The following GRID2 variants were observed in gnomAD, a reference collection of about 807,000 sequenced individuals.
GRID2 encodes the protein glutamate ionotropic receptor delta type subunit 2.
Under a neutral mutation model 114.8 loss-of-function variants are expected in GRID2, and 33 were observed. That is an observed-to-expected ratio of 0.29 (90% CI 0.22 to 0.38). GRID2 has a LOEUF of 0.38. Ranked by LOEUF, GRID2 falls within the 10% of genes least tolerant of loss-of-function variation. The probability of loss-of-function intolerance (pLI) is 1.00; values close to 1 mark genes in which losing one functional copy is unlikely to be tolerated. For missense variants in GRID2, 1,184 were observed against 1,257.7 expected (o/e 0.94, Z 0.89); for synonymous variants, 505 against 449.9 (o/e 1.12, Z -1.55).
At chr4:92,598,886 C>T (rs1407219043) in intron 2 of GRID2, among the ~76,000 whole-genome samples, 1 of 151,974 alleles carries the variant, frequency 6.6e-6, no homozygotes, top group Non-Finnish European at 1.5e-5. Context: ...TATTCTAGTA[C>T]TTTTATTAGT....
chr4:93,427,582 G>T (rs72668718), intron 10 of GRID2, among the ~76,000 whole-genome samples: 2,255 of 152,052 alleles, frequency 0.015, 19 homozygotes, highest in South Asian at 0.055. Context: ...ATGTTGGAAA[G>T]TGAGCTCTGA....
intron 1 of GRID2, among the ~76,000 whole-genome samples, chr4:92,441,588 G>A (rs1733083302): frequency 6.6e-6 from 1 of 152,124 alleles, no homozygotes; most frequent in Non-Finnish European, 1.5e-5. Context: ...AGGCTCGTCT[G>A]GTTTTAGGAC....
At chr4:92,554,896 T>C (rs1207039167) in intron 1 of GRID2, among the ~76,000 whole-genome samples, 1 of 152,168 alleles carries the variant, frequency 6.6e-6, no homozygotes, top group Non-Finnish European at 1.5e-5. Flanking sequence ...TCACCTTTTG[T>C]CCTTAGCTTT....
intron 8 of GRID2, among the ~76,000 whole-genome samples, chr4:93,331,832 T>G (rs542076970): frequency 1.2e-4 from 18 of 152,172 alleles, no homozygotes; most frequent in African/African-American, 4.1e-4. Flanking sequence ...AGTTAGCAAT[T>G]AGGTAATAGT....
intron 14 of GRID2, among the ~76,000 whole-genome samples, chr4:93,654,798 GAGTA>G (rs962886158): frequency 3.5e-4 from 54 of 152,244 alleles, no homozygotes; most frequent in African/African-American, 1.3e-3. Flanking sequence ...CAGTGTCAGT[GAGTA>G]AGTGAGTATC....
chr4:93,494,912 T>C (rs1021865507), intron 12 of GRID2, among the ~76,000 whole-genome samples: 1 of 151,836 alleles, frequency 6.6e-6, no homozygotes, highest in African/African-American at 2.4e-5. Flanking sequence ...AATAGCATCA[T>C]CAACATTAGT....
chr4:93,126,273 A>G (rs1734254604), intron 4 of GRID2, among the ~76,000 whole-genome samples: 1 of 152,042 alleles, frequency 6.6e-6, no homozygotes, highest in African/African-American at 2.4e-5. Context: ...GCCAGTTTTA[A>G]TGAGGGGAAA....
At chr4:92,901,260 A>G (rs1747562603) in intron 2 of GRID2, among the ~76,000 whole-genome samples, 1 of 152,174 alleles carries the variant, frequency 6.6e-6, no homozygotes, top group African/African-American at 2.4e-5. Flanking sequence ...CTTTTTAGTA[A>G]TAGCCATTCT....
chr4:93,188,614 G>A (rs1015984813), intron 4 of GRID2, among the ~76,000 whole-genome samples: 20 of 152,110 alleles, frequency 1.3e-4, no homozygotes, highest in African/African-American at 4.1e-4. Context: ...CATCCTTGGT[G>A]TTCTCTATTT....
intron 7 of GRID2, among the ~76,000 whole-genome samples, chr4:93,226,628 C>T (rs545266043): frequency 6.6e-6 from 1 of 152,264 alleles, no homozygotes; most frequent in African/African-American, 2.4e-5. Context: ...TGTTTTAGTC[C>T]TACAGTTCTG....
intron 6 of GRID2, among the ~76,000 whole-genome samples, chr4:93,222,459 A>G (rs1043948118): frequency 6.7e-6 from 1 of 149,486 alleles, no homozygotes; most frequent in Non-Finnish European, 1.5e-5. Flanking sequence ...TTTTTTAAAT[A>G]TATATATATA....
intron 1 of GRID2, among the ~76,000 whole-genome samples, chr4:92,564,138 C>G (rs1344065347): frequency 6.6e-6 from 1 of 151,904 alleles, no homozygotes; most frequent in African/African-American, 2.4e-5. Context: ...TAGTCCTAGT[C>G]TATACACCAA....
intron 2 of GRID2, among the ~76,000 whole-genome samples, chr4:93,082,624 T>G (rs2149319220): frequency 6.6e-6 from 1 of 152,318 alleles, no homozygotes; most frequent in Non-Finnish European, 1.5e-5. Flanking sequence ...TTTCCCATCC[T>G]TGGACTGCAC....
intron 2 of GRID2, among the ~76,000 whole-genome samples, chr4:92,864,739 T>C (rs1037247606): frequency 6.6e-6 from 1 of 152,162 alleles, no homozygotes; most frequent in African/African-American, 2.4e-5. Flanking sequence ...TGGGAAAAGA[T>C]ACAAGTTCAC....
intron 2 of GRID2, among the ~76,000 whole-genome samples, chr4:93,024,812 A>G (rs1274293241): frequency 6.6e-6 from 1 of 151,800 alleles, no homozygotes; most frequent in African/African-American, 2.4e-5. Flanking sequence ...CTGAAACAAA[A>G]TTATAAAGAT....
chr4:92,831,415 A>G (rs1742090967), intron 2 of GRID2, among the ~76,000 whole-genome samples: 1 of 152,090 alleles, frequency 6.6e-6, no homozygotes, highest in South Asian at 2.1e-4. Context: ...GAGCTAAATG[A>G]TTGGAGATCC....
intron 2 of GRID2, among the ~76,000 whole-genome samples, chr4:92,982,022 T>TAAAA (rs1161216679): frequency 5.0e-5 from 4 of 80,192 alleles, no homozygotes; most frequent in South Asian, 4.0e-4. Context: ...AAAGTACTGG[T>TAAAA]AAAAAAAAAA....
chr4:93,480,879 A>G (rs537009039), intron 11 of GRID2, among the ~76,000 whole-genome samples: 7 of 152,162 alleles, frequency 4.6e-5, no homozygotes, highest in Middle Eastern at 3.4e-3. Context: ...GAACAGATTC[A>G]TTCCAACATT....
intron 1 of GRID2, among the ~76,000 whole-genome samples, chr4:93,795,551 T>C (rs1734779742): frequency 6.6e-6 from 1 of 152,186 alleles, no homozygotes; most frequent in Non-Finnish European, 1.5e-5. Flanking sequence ...AATAAATTTA[T>C]TGAAATACAA....
Sources: allele counts gnomAD v4.1 joint callset (sites outside exome capture counted in the v4.1 genomes callset), GRCh38; gene constraint gnomAD v4.1.1; transcripts MANE v1.5; gene names NCBI Gene and HGNC (gene_info 2026-07-23, HGNC 2026-07-21).